MAGI2: variants seen among roughly 807,000 people sequenced by gnomAD.
MAGI2 encodes the protein membrane-associated guanylate kinase, WW and PDZ domain-containing protein 2.
MAGI2 carries 35 observed loss-of-function variants against 133.3 expected under a neutral mutation model. The ratio of observed to expected loss-of-function variants is 0.26; its 90% CI spans 0.20 to 0.35. MAGI2 has a LOEUF of 0.35. Ranked by LOEUF, MAGI2 falls within the 10% of genes least tolerant of loss-of-function variation. The pLI is 1.00. For synonymous variants in MAGI2, 729 were observed against 710.6 expected (o/e 1.03, Z -0.41); for missense variants, 1,636 against 1,863.4 (o/e 0.88, Z 2.25).
chr7:79,096,100 C>A (rs1817488125), intron 1 of MAGI2, among the ~76,000 whole-genome samples: 2 of 152,218 alleles, frequency 1.3e-5, no homozygotes, highest in East Asian at 1.9e-4. Context: ...CCTGGCCCTG[C>A]ACTGTGCTGT....
intron 3 of MAGI2, among the ~76,000 whole-genome samples, chr7:78,578,897 A>C (rs1802547633): frequency 6.6e-6 from 1 of 152,102 alleles, no homozygotes; most frequent in African/African-American, 2.4e-5. Flanking sequence ...CAATACCCTC[A>C]ACCCCTTTGT....
chr7:78,899,943 T>A (rs1317935081), intron 2 of MAGI2, among the ~76,000 whole-genome samples: 3 of 152,190 alleles, frequency 2.0e-5, no homozygotes, highest in South Asian at 2.1e-4. Flanking sequence ...AACCCTTCAA[T>A]GAGGGTGGAG....
At chr7:79,138,049 T>C (rs927092028) in intron 1 of MAGI2, among the ~76,000 whole-genome samples, 3 of 152,156 alleles carry the variant, frequency 2.0e-5, no homozygotes, top group Non-Finnish European at 4.4e-5. Context: ...AGGTGGCCTC[T>C]GGAAGCTAGA....
intron 2 of MAGI2, among the ~76,000 whole-genome samples, chr7:78,877,896 A>G (rs1795551170): frequency 6.6e-6 from 1 of 152,200 alleles, no homozygotes; most frequent in African/African-American, 2.4e-5. Context: ...TATTGATTAA[A>G]ACATTTAGTG....
intron 6 of MAGI2, among the ~76,000 whole-genome samples, chr7:78,417,095 A>T (rs1000811290): frequency 2.0e-5 from 3 of 152,166 alleles, no homozygotes; most frequent in African/African-American, 7.2e-5. Context: ...AAGATCAGGA[A>T]GTATAAATCC....
chr7:78,022,817 A>G (rs937923469), intron 21 of MAGI2, among the ~76,000 whole-genome samples: 2 of 152,176 alleles, frequency 1.3e-5, no homozygotes, highest in Non-Finnish European at 2.9e-5. Flanking sequence ...GTGATTTTTC[A>G]TATCGTAAAA....
intron 2 of MAGI2, among the ~76,000 whole-genome samples, chr7:78,674,912 T>C (rs1483194780): frequency 6.6e-6 from 1 of 152,118 alleles, no homozygotes; most frequent in African/African-American, 2.4e-5. Context: ...ATTCCTGAAA[T>C]ATAAAAAGCT....
chr7:79,449,877 C>CATACATATATATATATATATATATATAT (rs1554488321), intron 1 of MAGI2, among the ~76,000 whole-genome samples: 44 of 120,610 alleles, frequency 3.6e-4, no homozygotes, highest in African/African-American at 1.3e-3. Context: ...GAGATATATA[C>CATACATATATATATATATATATATATAT]ATATATATAT....
chr7:78,613,285 A>G (rs1341385472), intron 3 of MAGI2, among the ~76,000 whole-genome samples: 1 of 152,226 alleles, frequency 6.6e-6, no homozygotes, highest in African/African-American at 2.4e-5. Flanking sequence ...TACAGGACAG[A>G]TAAATCATTT....
At chr7:78,813,214 A>G (rs1334720126) in intron 2 of MAGI2, among the ~76,000 whole-genome samples, 1 of 152,238 alleles carries the variant, frequency 6.6e-6, no homozygotes, top group African/African-American at 2.4e-5. Flanking sequence ...TATGAGGCCC[A>G]AATTAACATT....
intron 1 of MAGI2, among the ~76,000 whole-genome samples, chr7:79,347,609 C>T (rs983376687): frequency 6.6e-5 from 10 of 151,872 alleles, no homozygotes; most frequent in African/African-American, 1.9e-4. Flanking sequence ...CCTTGAGCTC[C>T]GTTCCTGCAC....
At chr7:78,876,751 C>T (rs868313996) in intron 2 of MAGI2, among the ~76,000 whole-genome samples, 14 of 152,134 alleles carry the variant, frequency 9.2e-5, no homozygotes, top group Admixed American at 2.0e-4. Flanking sequence ...ACATTCAATT[C>T]CATGCTTTTT....
intron 2 of MAGI2, among the ~76,000 whole-genome samples, chr7:78,754,445 C>A (rs919791657): frequency 6.6e-6 from 1 of 151,874 alleles, no homozygotes; most frequent in African/African-American, 2.4e-5. Flanking sequence ...TATTAATAAG[C>A]CCAAGTAAAA....
chr7:78,553,853 G>C (rs1449654557), intron 3 of MAGI2, among the ~76,000 whole-genome samples: 2 of 152,050 alleles, frequency 1.3e-5, no homozygotes, highest in Non-Finnish European at 2.9e-5. Flanking sequence ...ATATGTATTT[G>C]TCCTACTCCA....
At chr7:79,291,221 T>C (rs1836457228) in intron 1 of MAGI2, among the ~76,000 whole-genome samples, 2 of 152,186 alleles carry the variant, frequency 1.3e-5, no homozygotes, top group Admixed American at 1.3e-4. Flanking sequence ...TTCAAGTTCA[T>C]GTATGTTGTA....
intron 2 of MAGI2, among the ~76,000 whole-genome samples, chr7:78,941,687 C>T (rs1047080928): frequency 4.0e-5 from 6 of 150,970 alleles, no homozygotes; most frequent in Non-Finnish European, 8.8e-5. Flanking sequence ...ACCTCTCATC[C>T]AGCCTTCCTT....
rs76231806 is a variant in MAGI2, at chr7:78,483,582, C to T, written c.1045+6179G>A. Among the ~76,000 whole-genome samples, 11 of 151,266 alleles carry T rather than the reference C, an allele frequency of 7.3e-5. No individual in the cohort carries two copies. The South Asian group carries it at 8.3e-4, about 11-fold the overall frequency. ...CAACCCAAAATTTGGTACTGGTGCA[C>T]GACAGTGGAATATCCATCCTACCTG... On this transcript the variant is annotated intron_variant, in intron 6 of 21. Coordinates refer to ENST00000354212, the MANE Select transcript of MAGI2 (RefSeq NM_012301.4).
chr7:78,526,778 G>A (rs1209376956), intron 3 of MAGI2, among the ~76,000 whole-genome samples: 1 of 152,060 alleles, frequency 6.6e-6, no homozygotes, highest in Non-Finnish European at 1.5e-5. Flanking sequence ...GGGAGGCTGA[G>A]GCGGGCAGAT....
intron 2 of MAGI2, among the ~76,000 whole-genome samples, chr7:78,665,838 G>A (rs1027507505): frequency 6.6e-6 from 1 of 152,074 alleles, no homozygotes. Flanking sequence ...TTATATGCCA[G>A]GCACGTCTCT....
Sources: allele counts gnomAD v4.1 joint callset (sites outside exome capture counted in the v4.1 genomes callset), GRCh38; gene constraint gnomAD v4.1.1; transcripts MANE v1.5; gene names NCBI Gene and HGNC (gene_info 2026-07-23, HGNC 2026-07-21).